The following SMAP1 variants were observed in gnomAD, a reference collection of about 807,000 sequenced individuals.
The protein encoded by SMAP1 is stromal membrane-associated protein 1.
SMAP1 carries 24 observed loss-of-function variants against 58.5 expected under a neutral mutation model. The observed-to-expected ratio is 0.41, with a 90% CI of 0.30 to 0.58. The LOEUF (loss-of-function observed/expected upper bound fraction) is 0.58. Ranked by LOEUF, SMAP1 falls within the 20% of genes least tolerant of loss-of-function variation. SMAP1 has a pLI of 0.29. For synonymous variants in SMAP1, 216 were observed against 196.6 expected, an observed-to-expected ratio of 1.10 and a Z score of -0.82; for missense variants, 563 against 566.3, an observed-to-expected ratio of 0.99 and a Z score of 0.06.
chr6:70,770,440 G>A (rs1208863700), intron 3 of SMAP1, among the ~76,000 whole-genome samples: 2 of 152,146 alleles, frequency 1.3e-5, no homozygotes, highest in Non-Finnish European at 2.9e-5. Flanking sequence ...TGGAGACTTT[G>A]TTCGTTTCTT....
chr6:70,800,678 C>T (rs1002344132), intron 6 of SMAP1, among the ~76,000 whole-genome samples: 6 of 151,414 alleles, frequency 4.0e-5, no homozygotes, highest in African/African-American at 1.5e-4. Flanking sequence ...CCCCCCACCC[C>T]CTGACAGGCC....
intron 1 of SMAP1, among the ~76,000 whole-genome samples, chr6:70,690,203 T>A (rs944670395): frequency 6.6e-6 from 1 of 152,216 alleles, no homozygotes; most frequent in Non-Finnish European, 1.5e-5. Context: ...TTGAGGAAAT[T>A]TCCTTTGTTG....
intron 6 of SMAP1, among the ~76,000 whole-genome samples, chr6:70,816,311 A>G (rs1336264410): frequency 6.6e-6 from 1 of 152,166 alleles, no homozygotes; most frequent in East Asian, 1.9e-4. Flanking sequence ...TTCGTGATAA[A>G]TAGTGGATTG....
chr6:70,725,244 G>C (rs1214969279), intron 1 of SMAP1, among the ~76,000 whole-genome samples: 2 of 151,574 alleles, frequency 1.3e-5, no homozygotes, highest in Non-Finnish European at 2.9e-5. Context: ...AGTCTCCCGA[G>C]TAGCTGGGAC....
intron 1 of SMAP1, among the ~76,000 whole-genome samples, chr6:70,718,061 C>A (rs9354938): frequency 0.14 from 21,338 of 152,046 alleles, 2,829 homozygotes; most frequent in East Asian, 0.55. Flanking sequence ...ACAAGCTCCA[C>A]AAGCTCCCCT....
Position 70,699,150 on chromosome 6 carries a change from C to G in SMAP1, c.118+31009C>G, listed in dbSNP as rs114323516. 4.9e-3 allele frequency among the ~76,000 whole-genome samples: 740 copies of G among 152,272 alleles called. 8 individuals carry two copies. Among genetic ancestry groups the G allele is most frequent in the African/African-American group, 0.017 (689 of 41,544 alleles). ...CCCAGTAACACTGACTCTTGCAGACCGGTAGAGGTACTGCTTTGGTGGTCT... is the reference window on the plus strand; with the variant it reads ...CCCAGTAACACTGACTCTTGCAGACGGGTAGAGGTACTGCTTTGGTGGTCT... On this transcript the variant is annotated intron_variant, in intron 1 of 10. Transcript: ENST00000370455.
chr6:70,831,163 G>T (rs1770343836), intron 6 of SMAP1, among the ~76,000 whole-genome samples: 1 of 152,184 alleles, frequency 6.6e-6, no homozygotes, highest in African/African-American at 2.4e-5. Context: ...TTCAGTCAGA[G>T]ACTGAGTACC....
At chr6:70,787,084 A>G (rs1490065219) in intron 4 of SMAP1, among the ~76,000 whole-genome samples, 1 of 152,196 alleles carries the variant, frequency 6.6e-6, no homozygotes, top group Non-Finnish European at 1.5e-5. Flanking sequence ...ACAGCATGGT[A>G]CTGGTACCAA....
chr6:70,698,027 G>A (rs1057103620), intron 1 of SMAP1, among the ~76,000 whole-genome samples: 3 of 151,904 alleles, frequency 2.0e-5, no homozygotes, highest in Admixed American at 2.0e-4. Context: ...ATTTCTTATT[G>A]CTCGTTAACA....
chr6:70,859,592 C>T (rs1311995385), intron 10 of SMAP1: 6 of 410,094 alleles, frequency 1.5e-5, no homozygotes, highest in African/African-American at 1.0e-4. Flanking sequence ...GCCTTTCCTT[C>T]TCTTATCACC....
At chr6:70,784,884 G>C (rs558754084) in intron 4 of SMAP1, among the ~76,000 whole-genome samples, 39 of 152,182 alleles carry the variant, frequency 2.6e-4, no homozygotes, top group African/African-American at 9.4e-4. Flanking sequence ...GTCAACATTA[G>C]ACAGATCAAC....
At chr6:70,676,059 C>T (rs1766469110) in intron 1 of SMAP1, among the ~76,000 whole-genome samples, 1 of 152,176 alleles carries the variant, frequency 6.6e-6, no homozygotes, top group Non-Finnish European at 1.5e-5. Flanking sequence ...GGTCACAGCT[C>T]ACTGCTGGGA....
intron 1 of SMAP1, among the ~76,000 whole-genome samples, chr6:70,688,017 A>G (rs1334071645): frequency 6.6e-6 from 1 of 152,160 alleles, no homozygotes; most frequent in Non-Finnish European, 1.5e-5. Flanking sequence ...TTCACTTCCA[A>G]AATTTTGCCA....
intron 7 of SMAP1, among the ~76,000 whole-genome samples, chr6:70,839,364 T>C (rs2504757): frequency 0.56 from 85,161 of 152,086 alleles, 24,159 homozygotes; most frequent in East Asian, 0.78. Context: ...GGCAGCACCC[T>C]TCTTGTATCA....
intron 1 of SMAP1, among the ~76,000 whole-genome samples, chr6:70,703,661 T>G (rs1767726628): frequency 1.3e-5 from 2 of 152,368 alleles, no homozygotes; most frequent in South Asian, 4.1e-4. Context: ...GGGTTTTCCC[T>G]ACCTTCTGTA....
intron 1 of SMAP1, among the ~76,000 whole-genome samples, chr6:70,724,598 A>G (rs1429978837): frequency 6.6e-6 from 1 of 152,228 alleles, no homozygotes; most frequent in Non-Finnish European, 1.5e-5. Flanking sequence ...TAGTATGTGG[A>G]AACTTTCTTC....
chr6:70,715,099 T>C (rs1477306191), intron 1 of SMAP1, among the ~76,000 whole-genome samples: 1 of 101,814 alleles, frequency 9.8e-6, no homozygotes, highest in Non-Finnish European at 1.7e-5. Flanking sequence ...TTTTTTTTTT[T>C]TTCCTTTTTT....
intron 1 of SMAP1, among the ~76,000 whole-genome samples, chr6:70,700,871 C>T (rs1388392699): frequency 6.6e-6 from 1 of 152,212 alleles, no homozygotes; most frequent in East Asian, 1.9e-4. Context: ...AGAACTGTGT[C>T]CTTCCCTTCA....
intron 1 of SMAP1, among the ~76,000 whole-genome samples, chr6:70,725,788 T>A (rs1012153346): frequency 2.0e-5 from 3 of 152,226 alleles, no homozygotes; most frequent in Non-Finnish European, 1.5e-5. Context: ...AATCCAATTC[T>A]TACTTCTTTT....
Sources: gnomAD v4.1 joint callset for allele counts (sites outside exome capture counted in the v4.1 genomes callset) on GRCh38, gnomAD v4.1.1 for gene constraint, MANE v1.5 for transcripts, NCBI Gene and HGNC (gene_info 2026-07-23, HGNC 2026-07-21) for gene names.